BMP2K: variants seen among roughly 807,000 people sequenced by gnomAD.
BMP2K encodes BMP2 inducible kinase, also known as BMP-2-inducible protein kinase.
A neutral mutation model predicts 116.0 loss-of-function variants in BMP2K; 74 were observed. The ratio of observed to expected loss-of-function variants is 0.64; its 90% CI spans 0.53 to 0.77. The LOEUF (loss-of-function observed/expected upper bound fraction) is 0.77, where lower values mean the gene tolerates loss of function less well. Among genes scored for constraint, BMP2K ranks in the 30% least tolerant of loss-of-function variants. BMP2K has a pLI of 0.00. For missense variants in BMP2K, 1,365 were observed against 1,403.6 expected (o/e 0.97, Z 0.44); for synonymous variants, 486 against 502.5 (o/e 0.97, Z 0.44).
At chr4:78,873,160 T>C (rs1732454572) in intron 13 of BMP2K, among the ~76,000 whole-genome samples, 1 of 152,226 alleles carries the variant, frequency 6.6e-6, no homozygotes. Flanking sequence ...TTACATGTTA[T>C]TACCTTTGAT....
In BMP2K at chr4:78,910,923, A is replaced by T. The variant is rs1734556955; in HGVS notation, c.2376A>T (p.Glu792Asp). Residue 792 changes from glutamate (E) to aspartate (D), a missense_variant, in exon 16 of 16, where the codon GAA becomes GAT. This residue lies in a region of BMP2K where 596 missense variants were observed against 623.2 expected (regional missense o/e 0.96). Coordinates refer to ENST00000502613, the MANE Select transcript of BMP2K (RefSeq NM_198892.2). ...ATAGGCCTCTCCTCATGGATTCTGAAGATGAGGAAGAAGAGGAGAAACATA... is the reference window on the plus strand; with the variant it reads ...ATAGGCCTCTCCTCATGGATTCTGATGATGAGGAAGAAGAGGAGAAACATA... ...LGHRPLLMDSEDEEEEEKHSS... is the reference protein window; with the variant it reads ...LGHRPLLMDSDDEEEEEKHSS... 4.3e-6 allele frequency: 7 copies of T among 1,613,892 alleles called. No individual in the cohort carries two copies. The highest frequency in any genetic ancestry group is 5.9e-6 in the Non-Finnish European group (7 of 1,179,822).
chr4:78,794,404 T>C (rs1560502351), intron 1 of BMP2K, among the ~76,000 whole-genome samples: 1 of 152,038 alleles, frequency 6.6e-6, no homozygotes. Flanking sequence ...TGTGGGAAAA[T>C]ATTCTGAATA....
intron 14 of BMP2K, among the ~76,000 whole-genome samples, chr4:78,886,908 T>A (rs1733123968): frequency 6.6e-6 from 1 of 152,206 alleles, no homozygotes; most frequent in Non-Finnish European, 1.5e-5. Flanking sequence ...AGTATTTAAA[T>A]GAATCAGACT....
At chr4:78,823,452 G>A (rs1246676692) in intron 1 of BMP2K, among the ~76,000 whole-genome samples, 2 of 149,394 alleles carry the variant, frequency 1.3e-5, no homozygotes, top group African/African-American at 4.9e-5. Flanking sequence ...AACAAGTAGG[G>A]AGATTTTTAG....
At position 78,826,140 on chromosome 4, in the gene BMP2K, G is replaced by C. The variant is rs1327472816; in HGVS notation, c.282G>C (p.Arg94Ser). 1 of 1,611,250 alleles carries C rather than the reference G, an allele frequency of 6.2e-7. No individual in the cohort carries two copies. The highest frequency in any genetic ancestry group is 2.2e-5 in the East Asian group (1 of 44,856). ...NNMPDLNVCK[R>S]EITIMKELSG... ...TGCCAGACCTCAATGTTTGTAAAAG[G>C]GAAATTACAATTATGGTAAGTGAAG... The change falls in exon 2 of 16, where the codon AGG becomes AGC. Residue 94 changes from arginine (R) to serine (S), a missense_variant. Physicochemically the swap from Arg to Ser is moderately radical, Grantham distance 110 (BLOSUM62 -1). This residue lies in a region of BMP2K where 762 missense variants were observed against 756.7 expected (regional missense o/e 1.01). Transcript: ENST00000502613.
At chr4:78,873,505 G>A (rs1046973401) in intron 13 of BMP2K, among the ~76,000 whole-genome samples, 3 of 152,224 alleles carry the variant, frequency 2.0e-5, no homozygotes, top group Admixed American at 1.3e-4. Context: ...ATACAATGCT[G>A]TTTAAGGATT....
intron 1 of BMP2K, among the ~76,000 whole-genome samples, chr4:78,794,036 A>C (rs1728134850): frequency 6.6e-6 from 1 of 152,140 alleles, no homozygotes; most frequent in Non-Finnish European, 1.5e-5. Flanking sequence ...ATCCATGTGC[A>C]TTTTTCTTGG....
chr4:78,846,150 G>A (rs1018248367), intron 5 of BMP2K, among the ~76,000 whole-genome samples: 1 of 151,554 alleles, frequency 6.6e-6, no homozygotes, highest in African/African-American at 2.4e-5. Flanking sequence ...GAAGTATAAG[G>A]TTCAATTGAA....
At chr4:78,813,244 T>C (rs1472733738) in intron 1 of BMP2K, among the ~76,000 whole-genome samples, 3 of 152,206 alleles carry the variant, frequency 2.0e-5, no homozygotes, top group African/African-American at 7.2e-5. Flanking sequence ...AAAATATATC[T>C]AGAATTCTTT....
chr4:78,821,780 G>A (rs1264934661), intron 1 of BMP2K, among the ~76,000 whole-genome samples: 1 of 152,152 alleles, frequency 6.6e-6, no homozygotes, highest in Non-Finnish European at 1.5e-5. Flanking sequence ...TAATAACTAT[G>A]CCAGAGGAAC....
chr4:78,815,894 TA>T (rs1487052408), intron 1 of BMP2K, among the ~76,000 whole-genome samples: 1 of 152,080 alleles, frequency 6.6e-6, no homozygotes, highest in Non-Finnish European at 1.5e-5. Context: ...GATGGAAACT[TA>T]AAAAAATATT....
At position 78,836,075 on chromosome 4, in the gene BMP2K, A is replaced by G. The variant is rs183451566; in HGVS notation, c.403+2388A>G. Among the ~76,000 whole-genome samples, 839 of 151,952 alleles carry G rather than the reference A, an allele frequency of 5.5e-3. 7 individuals carry two copies. The highest frequency in any genetic ancestry group is 0.02 in the African/African-American group (812 of 41,412). ...TAATTACCTCGGTTTTCATTTGCCTAATTTTCTTCATGTATATTAATATTT... is the reference window on the plus strand; with the variant it reads ...TAATTACCTCGGTTTTCATTTGCCTGATTTTCTTCATGTATATTAATATTT... On this transcript the variant is annotated intron_variant, in intron 3 of 15. Transcript: ENST00000502613.
intron 1 of BMP2K, among the ~76,000 whole-genome samples, chr4:78,778,807 A>G (rs534192700): frequency 6.6e-6 from 1 of 152,378 alleles, no homozygotes; most frequent in African/African-American, 2.4e-5. Context: ...CCTGATCATA[A>G]GATTGGGTCA....
chr4:78,784,303 A>C (rs1001756218), intron 1 of BMP2K, among the ~76,000 whole-genome samples: 1 of 152,184 alleles, frequency 6.6e-6, no homozygotes, highest in Admixed American at 6.5e-5. Flanking sequence ...AAGCTGCCAC[A>C]CTTTTCTAGT....
intron 1 of BMP2K, among the ~76,000 whole-genome samples, chr4:78,794,841 G>C (rs1728176940): frequency 6.6e-6 from 1 of 152,176 alleles, no homozygotes; most frequent in Admixed American, 6.5e-5. Context: ...GAGATTACAG[G>C]TGTGAGCCAC....
intron 1 of BMP2K, among the ~76,000 whole-genome samples, chr4:78,796,820 T>C (rs1252307082): frequency 1.3e-5 from 2 of 152,194 alleles, no homozygotes; most frequent in East Asian, 3.8e-4. Flanking sequence ...AGAGTAATAT[T>C]AGAGAACTAA....
chr4:78,869,459 C>G (rs1480002129), intron 10 of BMP2K, among the ~76,000 whole-genome samples: 1 of 152,074 alleles, frequency 6.6e-6, no homozygotes, highest in Admixed American at 6.5e-5. Context: ...TTCTATACCA[C>G]TGTAGAATGA....
intron 2 of BMP2K, among the ~76,000 whole-genome samples, chr4:78,827,232 ATCTT>A (rs1405326310): frequency 4.6e-5 from 7 of 151,510 alleles, no homozygotes; most frequent in Non-Finnish European, 8.8e-5. Context: ...ACACTGTCTT[ATCTT>A]TCTTTCTTTT....
intron 1 of BMP2K, among the ~76,000 whole-genome samples, chr4:78,784,724 A>C (rs1231865493): frequency 5.3e-5 from 8 of 152,204 alleles, no homozygotes; most frequent in Non-Finnish European, 1.2e-4. Context: ...GCCCATTTTA[A>C]CATTTTTAAT....
Sources: allele counts gnomAD v4.1 joint callset (sites outside exome capture counted in the v4.1 genomes callset), GRCh38; gene constraint gnomAD v4.1.1; regional missense constraint gnomAD v4.1.1; transcripts MANE v1.5; gene names NCBI Gene and HGNC (gene_info 2026-07-23, HGNC 2026-07-21).